Variants in FREM3 observed in about 807,000 individuals in gnomAD.
The protein encoded by FREM3 is FRAS1 related extracellular matrix 3, also known as FRAS1-related extracellular matrix protein 3.
A neutral mutation model predicts 129.1 loss-of-function variants in FREM3; 105 were observed. The observed-to-expected ratio is 0.81, with a 90% CI of 0.69 to 0.96. The LOEUF is 0.96. Ranked by LOEUF, FREM3 falls within the 40% of genes least tolerant of loss-of-function variation. The probability of loss-of-function intolerance (pLI) is 0.00; values close to 1 mark genes in which losing one functional copy is unlikely to be tolerated. For synonymous variants in FREM3, 1,014 were observed against 1,044.9 expected (o/e 0.97, Z 0.57); for missense variants, 2,593 against 2,666.3 (o/e 0.97, Z 0.61).
intron 2 of FREM3, among the ~76,000 whole-genome samples, chr4:143,663,443 C>T (rs963109193): frequency 2.6e-5 from 4 of 152,130 alleles, no homozygotes; most frequent in Non-Finnish European, 5.9e-5. Context: ...GAGTTTCTGC[C>T]GAGAGATCTG....
At chr4:143,683,038 C>T (rs929921530) in intron 2 of FREM3, among the ~76,000 whole-genome samples, 2 of 152,068 alleles carry the variant, frequency 1.3e-5, no homozygotes, top group Non-Finnish European at 1.5e-5. Context: ...CACCCACTTC[C>T]GGCTTTGAAG....
At chr4:143,603,630 A>G (rs1738615578) in intron 6 of FREM3, among the ~76,000 whole-genome samples, 1 of 152,144 alleles carries the variant, frequency 6.6e-6, no homozygotes, top group Non-Finnish European at 1.5e-5. Context: ...TTTGTGTATT[A>G]TCTATATGAG....
intron 2 of FREM3, among the ~76,000 whole-genome samples, chr4:143,638,646 C>T (rs892518248): frequency 7.2e-5 from 11 of 152,048 alleles, no homozygotes; most frequent in African/African-American, 2.4e-4. Context: ...TTGTCCTTCC[C>T]CATTGGCGGT....
At chr4:143,678,782 G>A (rs1337381594) in intron 2 of FREM3, among the ~76,000 whole-genome samples, 3 of 152,014 alleles carry the variant, frequency 2.0e-5, no homozygotes, top group Non-Finnish European at 4.4e-5. Flanking sequence ...CTTCAATATA[G>A]TCATAAAATG....
rs935478323 is a variant in FREM3 at position 143,611,269 on chromosome 4, A to G, written c.6028+10T>C. 9 of 1,530,960 alleles carry G rather than the reference A, an allele frequency of 5.9e-6. 1 individual carries two copies. The highest frequency in any genetic ancestry group is 1.2e-5 in the South Asian group (1 of 83,838). 94.8% of individuals were successfully genotyped at this position (1,530,960 alleles called of 1,614,324 possible). A position where few individuals can be genotyped will look rare whatever the true frequency, so the allele number is the denominator to read the frequency against. On this transcript the variant is annotated intron_variant, in intron 6 of 7. Transcript: ENST00000329798. ...ATTGCCAAAGGTTGGAAAGCAACAAATGGACTTACCATCATAACGATCAGC... is the reference window on the plus strand; with the variant it reads ...ATTGCCAAAGGTTGGAAAGCAACAAGTGGACTTACCATCATAACGATCAGC...
rs189880528 is a variant in FREM3, at chr4:143,593,675, G to A, written c.6029-7682C>T. On this transcript the variant is annotated intron_variant, in intron 6 of 7. Coordinates refer to ENST00000329798, the MANE Select transcript of FREM3 (RefSeq NM_001168235.2). Reference sequence around the variant, plus strand: ...GAGGTGCCTCCCAGTTAGGCTACTCGGGGGTCAGGGACCCACTTGAGGAGG... The same window carrying A: ...GAGGTGCCTCCCAGTTAGGCTACTCAGGGGTCAGGGACCCACTTGAGGAGG... Among the ~76,000 whole-genome samples, 1,467 of 151,800 alleles carry A rather than the reference G, an allele frequency of 9.7e-3. 25 individuals are homozygous for A. Among genetic ancestry groups the A allele is most frequent in the African/African-American group, 0.034 (1,414 of 41,374 alleles).
rs576759757 is a variant in FREM3 at position 143,639,587 on chromosome 4, A to G, written c.5276-11827T>C. ...TAACTTATTATGTCTCATTTTGGACAAATAATAATATCACTCAGCAAAAGT... is the reference window on the plus strand; with the variant it reads ...TAACTTATTATGTCTCATTTTGGACGAATAATAATATCACTCAGCAAAAGT... On this transcript the variant is annotated intron_variant, in intron 2 of 7. Transcript: ENST00000329798. 2.8e-3 allele frequency among the ~76,000 whole-genome samples: 431 copies of G among 152,280 alleles called. 3 individuals carry two copies. The highest frequency in any genetic ancestry group is 4.6e-3 in the Admixed American group (70 of 15,296).
At chr4:143,630,733 A>G (rs1056273005) in intron 2 of FREM3, among the ~76,000 whole-genome samples, 1 of 152,178 alleles carries the variant, frequency 6.6e-6, no homozygotes, top group Admixed American at 6.5e-5. Flanking sequence ...CTGTGTTTCA[A>G]AACATTTAAA....
chr4:143,677,489 A>T (rs1740160862), intron 2 of FREM3, among the ~76,000 whole-genome samples: 1 of 152,254 alleles, frequency 6.6e-6, no homozygotes, highest in Admixed American at 6.5e-5. Context: ...ATGGGCAAGG[A>T]CTTCATGTCT....
At position 143,699,043 on chromosome 4, in the gene FREM3, T is replaced by C. The variant is rs1740638095; in HGVS notation, c.1633A>G (p.Met545Val). ...GAGAGTCCTGTGTTAGTATTGACCA[T>C]TGGTGGTTCATCATCCACAGGTAGG... is the stretch of plus-strand genomic sequence containing the variant. The part of the protein sequence containing the change: ...TILPVDDEPP[M>V]VNTNTGLSLT... The change falls in exon 1 of 8, where the codon ATG becomes GTG. Residue 545 changes from methionine (M) to valine (V), a missense_variant. Met to Val is a conservative substitution (Grantham distance 21). Around this residue, in one of 2 missense-constraint regions of FREM3, gnomAD observed 2,276 missense variants for 2,267.2 expected, o/e 1.00. Coordinates refer to ENST00000329798, the MANE Select transcript of FREM3 (RefSeq NM_001168235.2). This position sits in a 1 kb window ranked among gnomAD's most constrained non-coding sequence, Gnocchi z 4.2. 1 of 1,537,262 alleles carries C rather than the reference T, an allele frequency of 6.5e-7. No homozygotes were observed. The highest frequency in any genetic ancestry group is 8.7e-7 in the Non-Finnish European group (1 of 1,146,860).
intron 2 of FREM3, among the ~76,000 whole-genome samples, chr4:143,650,828 A>T (rs551709185): frequency 1.2e-4 from 18 of 152,296 alleles, no homozygotes; most frequent in African/African-American, 3.8e-4. Context: ...AGTACTGTGG[A>T]TTCATCCCAC....
At position 143,696,793 on chromosome 4, in the gene FREM3, C is replaced by T; in HGVS notation, c.3883G>A (p.Val1295Ile). Reference protein sequence around the residue: ...SDGKHTTHRKVPIVVTLVDDE... With the variant: ...SDGKHTTHRKIPIVVTLVDDE... ...TCCACTAGGGTCACTACAATGGGTA[C>T]CTTCCTGTGGGTTGTGTGCTTGCCG... is the stretch of plus-strand genomic sequence containing the variant. The change falls in exon 1 of 8, where the codon GTA becomes ATA. Residue 1295 changes from valine to isoleucine, a missense_variant. Coordinates refer to ENST00000329798, the MANE Select transcript of FREM3 (RefSeq NM_001168235.2). 1.3e-6 allele frequency: 2 copies of T among 1,537,768 alleles called. No individual in the cohort carries two copies. The highest frequency in any genetic ancestry group is 1.7e-6 in the Non-Finnish European group (2 of 1,147,044).
chr4:143,586,405 A>T (rs1288950428), intron 6 of FREM3, among the ~76,000 whole-genome samples: 1 of 152,050 alleles, frequency 6.6e-6, no homozygotes, highest in African/African-American at 2.4e-5. Context: ...CTGTGGAGGG[A>T]CAGTTGAGCC....
At chr4:143,605,922 G>C (rs571100637) in intron 6 of FREM3, among the ~76,000 whole-genome samples, 33 of 152,048 alleles carry the variant, frequency 2.2e-4, no homozygotes, top group Non-Finnish European at 4.0e-4. Flanking sequence ...TCTTGGGTAG[G>C]TTACTTATAT....
chr4:143,593,520 G>C (rs1738405696), intron 6 of FREM3, among the ~76,000 whole-genome samples: 1 of 152,096 alleles, frequency 6.6e-6, no homozygotes, highest in South Asian at 2.1e-4. Flanking sequence ...TGTTTGCCTG[G>C]GTATCAGCAG....
At position 143,627,617 on chromosome 4, in the gene FREM3, T is replaced by G; in HGVS notation, c.5419A>C (p.Ile1807Leu). 6.5e-7 allele frequency: 1 copy of G among 1,535,960 alleles called. No homozygotes were observed. Among genetic ancestry groups the G allele is most frequent in the Non-Finnish European group, 8.7e-7 (1 of 1,145,892 alleles). Residue 1807 changes from isoleucine to leucine, a missense_variant, in exon 3 of 8, where the codon ATC becomes CTC. Physicochemically the swap from Ile to Leu is conservative, Grantham distance 5. This residue lies in a region of FREM3 where 2,276 missense variants were observed against 2,267.2 expected (regional missense o/e 1.00). Transcript: ENST00000329798. ...RRGYLGETSFISIGTKDETAK... is the reference protein window; with the variant it reads ...RRGYLGETSFLSIGTKDETAK... ...CAACCAATCCAAAGTTACTTACTGA[T>G]AAATGATGTTTCTCCAAGGTATCCT... is the stretch of plus-strand genomic sequence containing the variant.
At chr4:143,588,962 T>A (rs1738300862) in intron 6 of FREM3, among the ~76,000 whole-genome samples, 1 of 151,938 alleles carries the variant, frequency 6.6e-6, no homozygotes, top group Non-Finnish European at 1.5e-5. Flanking sequence ...GGTATCTCAT[T>A]GTGGTTTTGA....
intron 2 of FREM3, among the ~76,000 whole-genome samples, chr4:143,687,236 A>G (rs1015810587): frequency 1.3e-5 from 2 of 152,166 alleles, no homozygotes; most frequent in African/African-American, 4.8e-5. Flanking sequence ...TCACGTAACT[A>G]GAAAACCTAG....
At chr4:143,597,466 T>A (rs1275672056) in intron 6 of FREM3, among the ~76,000 whole-genome samples, 1 of 152,232 alleles carries the variant, frequency 6.6e-6, no homozygotes, top group Non-Finnish European at 1.5e-5. Context: ...TTGACTACTG[T>A]TGCTTTGTAA....
Sources: gnomAD v4.1 joint callset for allele counts (sites outside exome capture counted in the v4.1 genomes callset) on GRCh38, gnomAD v4.1.1 for gene constraint, gnomAD v4.1.1 regional missense constraint, Gnocchi (gnomAD v3.1) non-coding constraint, MANE v1.5 for transcripts, NCBI Gene and HGNC (gene_info 2026-07-23, HGNC 2026-07-21) for gene names.